RIMBP2: variants seen among roughly 807,000 people sequenced by gnomAD.
RIMBP2 encodes the protein RIMS binding protein 2, also known as RIMS-binding protein 2.
RIMBP2 carries 48 observed loss-of-function variants against 118.6 expected under a neutral mutation model. That is an observed-to-expected ratio of 0.40 (90% CI 0.32 to 0.51). The LOEUF (loss-of-function observed/expected upper bound fraction) is 0.51, where lower values mean the gene tolerates loss of function less well. Among genes scored for constraint, RIMBP2 ranks in the 20% least tolerant of loss-of-function variants. The pLI is 0.41. For synonymous variants in RIMBP2, 762 were observed against 742.9 expected (o/e 1.03, Z -0.42); for missense variants, 1,551 against 1,768.3 (o/e 0.88, Z 2.20).
rs1354032784 is a variant in RIMBP2 at position 130,622,521 on chromosome 12, T to C, written c.-217+5801A>G. ...TATATATTTGATAATAGAGATGGAG[T>C]CTCACTTTGTTGCCCAGGGTGGTCC... On this transcript the variant is annotated intron_variant, in intron 2 of 22. Transcript: ENST00000690449. The surrounding 1 kb of genome is among the most constrained non-coding windows in gnomAD (Gnocchi z 8.5). 1.3e-5 allele frequency among the ~76,000 whole-genome samples: 2 copies of C among 152,010 alleles called. No homozygotes were observed. Among genetic ancestry groups the C allele is most frequent in the Non-Finnish European group, 2.9e-5 (2 of 67,998 alleles).
At chr12:130,468,320 A>G (rs1244729503) in intron 6 of RIMBP2, among the ~76,000 whole-genome samples, 2 of 152,174 alleles carry the variant, frequency 1.3e-5, no homozygotes, top group Non-Finnish European at 2.9e-5. Context: ...GGCATGAGAA[A>G]CATCTGGAAG....
chr12:130,664,393 ACACACGCACGCACGCACGCACACACACG>A (rs2063789309), intron 1 of RIMBP2, among the ~76,000 whole-genome samples: 6 of 58,420 alleles, frequency 1.0e-4, no homozygotes, highest in African/African-American at 1.4e-4. Flanking sequence ...GCGCATGCAC[ACACACGCACGCACGCACGCACACACACG>A]CACACACATG....
rs2079441705 is a variant in RIMBP2 at position 130,456,422 on chromosome 12, T to C, written c.358+74A>G. On this transcript the variant is annotated intron_variant, in intron 7 of 22. Coordinates refer to ENST00000690449, the MANE Select transcript of RIMBP2 (RefSeq NM_001393629.1). ...CAGGTGTCACCAAACCGATTTCACC[T>C]GTGCACACCCTCGCAGGCAGCCAAC... The C allele has an allele frequency of 2.2e-6, 3 of 1,360,304 alleles. No individual in the cohort carries two copies. In the South Asian group the frequency reaches 4.2e-5, roughly 19 times the overall value. The allele number at this position is 1,360,304 out of a possible 1,614,324, so 84.3% of individuals were successfully genotyped here. A position where few individuals can be genotyped will look rare whatever the true frequency, so the allele number is the denominator to read the frequency against.
rs113231180 is a variant in RIMBP2 at position 130,479,110 on chromosome 12, C to T, written c.-3-94G>A. On this transcript the variant is annotated intron_variant, in intron 4 of 22. Transcript: ENST00000690449. Reference sequence around the variant, plus strand: ...GCACCAAGCTGGCTCTGACTCAGCCCGGTCACTCCAGAGCAGCCCCTCACC... The same window carrying T: ...GCACCAAGCTGGCTCTGACTCAGCCTGGTCACTCCAGAGCAGCCCCTCACC... 5,225 of 1,005,664 alleles carry T rather than the reference C, an allele frequency of 5.2e-3. 20 individuals are homozygous for T. The highest frequency in any genetic ancestry group is 9.0e-3 in the Admixed American group (352 of 38,988). The allele number at this position is 1,005,664 out of a possible 1,614,324, so 62.3% of individuals were successfully genotyped here. A position where few individuals can be genotyped will look rare whatever the true frequency, so the allele number is the denominator to read the frequency against.
At chr12:130,666,899 C>T (rs1428315817) in intron 1 of RIMBP2, among the ~76,000 whole-genome samples, 10 of 75,832 alleles carry the variant, frequency 1.3e-4, no homozygotes, top group East Asian at 4.2e-4. Flanking sequence ...AAGGAGAGAA[C>T]GAAAGGGAGG....
Position 130,438,347 on chromosome 12 carries a change from C to T in RIMBP2, c.1656+18G>A. ...TAGGGCCTAACAAACCCTCCCCACCCACCCAACGAAAACTCACCCTCTGCC... is the reference window on the plus strand; with the variant it reads ...TAGGGCCTAACAAACCCTCCCCACCTACCCAACGAAAACTCACCCTCTGCC... On this transcript the variant is annotated intron_variant, in intron 12 of 22. Transcript: ENST00000690449. 2 of 1,527,294 alleles carry T rather than the reference C, an allele frequency of 1.3e-6. No homozygotes were observed. Among genetic ancestry groups the T allele is most frequent in the East Asian group, 2.3e-5 (1 of 44,352 alleles). 94.6% of individuals were successfully genotyped at this position (1,527,294 alleles called of 1,614,324 possible).
At chr12:130,603,037 CAA>C in intron 2 of RIMBP2, among the ~76,000 whole-genome samples, 1 of 152,148 alleles carries the variant, frequency 6.6e-6, no homozygotes, top group South Asian at 2.1e-4. Context: ...ATTTTAAAAC[CAA>C]AATTGGCACC....
At position 130,483,042 on chromosome 12, in the gene RIMBP2, A is replaced by C. The variant is rs5016975; in HGVS notation, c.-3-4026T>G. Among the ~76,000 whole-genome samples, 129 of 40,524 alleles carry C rather than the reference A, an allele frequency of 3.2e-3. 2 individuals are homozygous for C. The highest frequency in any genetic ancestry group is 0.01 in the African/African-American group (107 of 10,252). 26.6% of individuals were successfully genotyped at this position (40,524 alleles called of 152,430 possible). ...GCAGGGGAGGGGGCAGACCTCATCCAAATACACCCACTGTGTGTGTACATG... is the reference window on the plus strand; with the variant it reads ...GCAGGGGAGGGGGCAGACCTCATCCCAATACACCCACTGTGTGTGTACATG... On this transcript the variant is annotated intron_variant, in intron 4 of 22. Coordinates refer to ENST00000690449, the MANE Select transcript of RIMBP2 (RefSeq NM_001393629.1).
chr12:130,487,084 C>G (rs1376068440), intron 4 of RIMBP2, among the ~76,000 whole-genome samples: 1 of 152,246 alleles, frequency 6.6e-6, no homozygotes, highest in African/African-American at 2.4e-5. Context: ...TCACCTCTGC[C>G]CCTTCCTCAC....
intron 2 of RIMBP2, among the ~76,000 whole-genome samples, chr12:130,519,956 A>C (rs2051902405): frequency 6.6e-6 from 1 of 152,160 alleles, no homozygotes; most frequent in African/African-American, 2.4e-5. Context: ...GGCTCAAACA[A>C]GTGGCCCCTT....
At chr12:130,554,495 G>C (rs2056146609) in intron 2 of RIMBP2, among the ~76,000 whole-genome samples, 1 of 152,194 alleles carries the variant, frequency 6.6e-6, no homozygotes, top group African/African-American at 2.4e-5. Context: ...CTCATAAAGT[G>C]ACCCTACTAA....
At chr12:130,427,960 TA>T in intron 15 of RIMBP2, 1 of 450,604 alleles carries the variant, frequency 2.2e-6, no homozygotes, top group Non-Finnish European at 3.8e-6. Flanking sequence ...TAGATTCCTC[TA>T]AACTCCTTTA....
intron 1 of RIMBP2, among the ~76,000 whole-genome samples, chr12:130,685,624 C>T (rs1030187981): frequency 6.6e-6 from 1 of 152,162 alleles, no homozygotes; most frequent in Non-Finnish European, 1.5e-5. Flanking sequence ...CGCCGTGGCT[C>T]ATGGCAATGC....
At position 130,428,232 on chromosome 12, in the gene RIMBP2, G is replaced by A. The variant is rs751172350; in HGVS notation, c.2359C>T (p.Leu787=). ...DEEELYSEMQ[L]EDGGRRRPSG... is the part of the protein sequence containing the mutation. The stretch of plus-strand genomic sequence containing the variant: ...GGCCGCCTCCTTCCCCCATCTTCCA[G>A]CTGCATTTCAGAATACAGCTCCTCC... The change falls in exon 15 of 23, where the codon CTG becomes TTG. Residue 787 remains leucine (L), a synonymous_variant. Coordinates refer to ENST00000690449, the MANE Select transcript of RIMBP2 (RefSeq NM_001393629.1). The A allele has an allele frequency of 3.9e-5, 63 of 1,613,168 alleles. No individual in the cohort carries two copies. In the South Asian group the frequency reaches 6.7e-4, roughly 17 times the overall value.
At chr12:130,653,400 A>C (rs1016084363) in intron 1 of RIMBP2, among the ~76,000 whole-genome samples, 1 of 152,342 alleles carries the variant, frequency 6.6e-6, no homozygotes, top group African/African-American at 2.4e-5. Flanking sequence ...CGTGCCCCAC[A>C]TCCGGGCACA....
Position 130,434,055 on chromosome 12 carries a change from G to A in RIMBP2, c.2253+679C>T, listed in dbSNP as rs756919682. ...CTGAGAGATGCCAGTCCCCCTCTCC[G>A]GGTATGGGGCTGTTTTGCTGTGGGA... On this transcript the variant is annotated intron_variant, in intron 14 of 22. Coordinates refer to ENST00000690449, the MANE Select transcript of RIMBP2 (RefSeq NM_001393629.1). The surrounding 1 kb of genome is among the most constrained non-coding windows in gnomAD (Gnocchi z 5.7). Among the ~76,000 whole-genome samples the A allele has an allele frequency of 3.3e-5, 5 of 152,260 alleles. No individual in the cohort carries two copies. The highest frequency in any genetic ancestry group is 4.8e-5 in the African/African-American group (2 of 41,544).
At chr12:130,672,270 T>G (rs2064234819) in intron 1 of RIMBP2, among the ~76,000 whole-genome samples, 1 of 152,250 alleles carries the variant, frequency 6.6e-6, no homozygotes. Flanking sequence ...CTTGGCCAGG[T>G]CTGCATCTCA....
At chr12:130,698,896 C>T (rs1355300740) in intron 1 of RIMBP2, among the ~76,000 whole-genome samples, 1 of 152,094 alleles carries the variant, frequency 6.6e-6, no homozygotes, top group African/African-American at 2.4e-5. Flanking sequence ...AAAAAACAAA[C>T]AACCCCATCA....
chr12:130,485,269 C>T (rs1260178147), intron 4 of RIMBP2, among the ~76,000 whole-genome samples: 2 of 152,264 alleles, frequency 1.3e-5, no homozygotes, highest in Admixed American at 1.3e-4. Context: ...TGCCCAGGCA[C>T]TGTGTCATTT....
Sources: gnomAD v4.1 joint callset for allele counts (sites outside exome capture counted in the v4.1 genomes callset) on GRCh38, gnomAD v4.1.1 for gene constraint, Gnocchi (gnomAD v3.1) non-coding constraint, MANE v1.5 for transcripts, NCBI Gene and HGNC (gene_info 2026-07-23, HGNC 2026-07-21) for gene names.